SCUBE1: variants seen among roughly 807,000 people sequenced by gnomAD.
SCUBE1 encodes signal peptide, CUB and EGF-like domain-containing protein 1.
Under a neutral mutation model 124.4 loss-of-function variants are expected in SCUBE1, and 59 were observed. That is an observed-to-expected ratio of 0.47 (90% CI 0.38 to 0.59). The LOEUF (loss-of-function observed/expected upper bound fraction) is 0.59. Among genes scored for constraint, SCUBE1 ranks in the 20% least tolerant of loss-of-function variants. SCUBE1 has a pLI of 0.00. For synonymous variants in SCUBE1, 545 were observed against 550.9 expected (o/e 0.99, Z 0.15); for missense variants, 1,150 against 1,371.2 (o/e 0.84, Z 2.55).
intron 2 of SCUBE1, among the ~76,000 whole-genome samples, chr22:43,336,043 G>T (rs1160555275): frequency 2.0e-5 from 3 of 152,140 alleles, no homozygotes; most frequent in African/African-American, 7.2e-5. Context: ...TCATGGTGAA[G>T]ACTTTGCCAT....
rs150769460 is a variant in SCUBE1 at position 43,218,375 on chromosome 22, G to A, written c.1771C>T (p.Arg591Trp). 2,037 of 1,613,480 alleles carry A rather than the reference G, an allele frequency of 1.3e-3. 2 individuals carry two copies. The highest frequency in any genetic ancestry group is 1.5e-3 in the Non-Finnish European group (1,789 of 1,180,036). ...AIKTLRKSIG[R>W]QQFYVQVSGT... is the part of the protein sequence containing the mutation. ...GAGACCTGGACATAGAACTGCTGCC[G>A]GCCGATGGACTTGCGCAGGGTCTTG... Residue 591 changes from arginine (R) to tryptophan (W), a missense_variant, in exon 15 of 22, where the codon CGG (arginine) becomes TGG (tryptophan). Around this residue, in one of 3 missense-constraint regions of SCUBE1, gnomAD observed 757 missense variants for 840.9 expected, o/e 0.90. Transcript: ENST00000360835.
chr22:43,230,374 C>T (rs73886455), intron 8 of SCUBE1, among the ~76,000 whole-genome samples: 3,994 of 151,832 alleles, frequency 0.026, 183 homozygotes, highest in African/African-American at 0.092. Context: ...GGAGCATGGA[C>T]GCTTCCCTGC....
At chr22:43,229,308 C>T (rs1468328689) in intron 8 of SCUBE1, 120 bp from the exon 9 acceptor site, 7 of 735,020 alleles carry the variant, frequency 9.5e-6, no homozygotes, top group Admixed American at 1.9e-5. Context: ...TGGGCGCAGG[C>T]GCAGCACAGC....
rs756290447 is a variant in SCUBE1 at position 43,201,303 on chromosome 22, C to CAAAAAAAAAAAAAAAAAAAA, written c.*2674_*2693dup. On this transcript the variant is annotated 3_prime_UTR_variant, in exon 22 of 22. Transcript: ENST00000360835. ...TGGGTGACAGAGCGAGACTCCATCT[C>CAAAAAAAAAAAAAAAAAAAA]AAAAAAAAAAAAAAAAAAAAAAAAG... 3 of 43,984 alleles carry CAAAAAAAAAAAAAAAAAAAA rather than the reference C, an allele frequency of 6.8e-5. No individual in the cohort carries two copies. Among genetic ancestry groups the CAAAAAAAAAAAAAAAAAAAA allele is most frequent in the Non-Finnish European group, 8.3e-5 (2 of 24,190 alleles). The allele number at this position is 43,984 out of a possible 1,614,324, so 2.7% of individuals were successfully genotyped here.
In SCUBE1 at chr22:43,211,187, T is replaced by C. The variant is rs1921536768; in HGVS notation, c.2222-104A>G. ...CCTCTCATGCCCTCGAGGTCTGTTT[T>C]GGCACAGAGTTCAAGGCTCCTCCCC... is the stretch of plus-strand genomic sequence containing the variant. On this transcript the variant is annotated intron_variant, in intron 17 of 21. Coordinates refer to ENST00000360835, the MANE Select transcript of SCUBE1 (RefSeq NM_173050.5). The surrounding 1 kb of genome is among the most constrained non-coding windows in gnomAD (Gnocchi z 4.5). The C allele has an allele frequency of 8.1e-7, 1 of 1,229,884 alleles. No individual in the cohort carries two copies. Among genetic ancestry groups the C allele is most frequent in the Non-Finnish European group, 1.1e-6 (1 of 876,534 alleles). 76.2% of individuals were successfully genotyped at this position (1,229,884 alleles called of 1,614,324 possible).
At chr22:43,241,330 G>A (rs546481388) in intron 6 of SCUBE1, among the ~76,000 whole-genome samples, 390 of 152,150 alleles carry the variant, frequency 2.6e-3, no homozygotes, top group Non-Finnish European at 4.2e-3. Flanking sequence ...GCCCTGCTCC[G>A]CCTCCCACTC....
At chr22:43,290,320 C>G (rs1374609365) in intron 4 of SCUBE1, among the ~76,000 whole-genome samples, 1 of 152,196 alleles carries the variant, frequency 6.6e-6, no homozygotes, top group Non-Finnish European at 1.5e-5. Flanking sequence ...TGTGTCCTGG[C>G]TCTCTCCTCC....
intron 4 of SCUBE1, among the ~76,000 whole-genome samples, chr22:43,286,696 G>C (rs56769304): frequency 0.021 from 3,146 of 152,312 alleles, 123 homozygotes; most frequent in African/African-American, 0.074. Context: ...CTTAGCATGT[G>C]ATCCCCTGTC....
At position 43,211,088 on chromosome 22, in the gene SCUBE1, C is replaced by T. The variant is rs745784816; in HGVS notation, c.2222-5G>A. ...GGTGGCCGGGGGAGCAGTGCACTGCCGGGGGACACAAGGCAGTGTGGTGGG... is the reference window on the plus strand; with the variant it reads ...GGTGGCCGGGGGAGCAGTGCACTGCTGGGGGACACAAGGCAGTGTGGTGGG... On this transcript the variant is annotated splice_polypyrimidine_tract_variant and splice_region_variant and intron_variant, in intron 17 of 21. Transcript: ENST00000360835. This position sits in a 1 kb window ranked among gnomAD's most constrained non-coding sequence, Gnocchi z 4.5. 26 of 1,605,774 alleles carry T rather than the reference C, an allele frequency of 1.6e-5. No individual in the cohort carries two copies. The highest frequency in any genetic ancestry group is 6.7e-5 in the South Asian group (6 of 90,202).
chr22:43,250,364 G>A (rs1433646034), intron 6 of SCUBE1, among the ~76,000 whole-genome samples: 14 of 152,160 alleles, frequency 9.2e-5, no homozygotes, highest in Non-Finnish European at 1.5e-5. Flanking sequence ...TATGAAGATG[G>A]CTCTAATAGT....
In SCUBE1 at chr22:43,221,174, C is replaced by T. The variant is rs753974892; in HGVS notation, c.1548G>A (p.Leu516=). The change falls in exon 13 of 22, where the codon CTG becomes CTA. Residue 516 remains leucine (L), a splice_region_variant and synonymous_variant. Coordinates refer to ENST00000360835, the MANE Select transcript of SCUBE1 (RefSeq NM_173050.5). The stretch of plus-strand genomic sequence containing the variant: ...TTAGGAGCAGGGCGTCCCACTCACC[C>T]AGCAGCGGCTGCCTGGCGGTCTCCT... ...RAKETARQPL[L]DHCHVTFVTL... 2 of 1,607,956 alleles carry T rather than the reference C, an allele frequency of 1.2e-6. No homozygotes were observed. The highest frequency in any genetic ancestry group is 4.5e-5 in the East Asian group (2 of 44,870).
chr22:43,295,708 C>T (rs1276055469), intron 3 of SCUBE1, among the ~76,000 whole-genome samples: 2 of 152,228 alleles, frequency 1.3e-5, no homozygotes, highest in East Asian at 1.9e-4. Context: ...GCCTCCCCTC[C>T]TTGTCCAGAC....
chr22:43,253,852 T>C (rs73886531), intron 6 of SCUBE1, among the ~76,000 whole-genome samples: 1,593 of 147,646 alleles, frequency 0.011, 29 homozygotes, highest in African/African-American at 0.04. Flanking sequence ...AGCTCTGGCC[T>C]CAGACAGTAG....
chr22:43,321,100 T>TGGAACC (rs1341065778), intron 2 of SCUBE1, among the ~76,000 whole-genome samples: 1 of 152,142 alleles, frequency 6.6e-6, no homozygotes, highest in Non-Finnish European at 1.5e-5. Context: ...ACAGGGGAAC[T>TGGAACC]GGAACCGGAA....
chr22:43,284,169 G>A (rs569057237), intron 4 of SCUBE1, among the ~76,000 whole-genome samples: 116 of 152,338 alleles, frequency 7.6e-4, no homozygotes, highest in Admixed American at 1.4e-3. Context: ...AAAGAAAAGC[G>A]TTTGCTTTTA....
At chr22:43,329,214 C>T (rs950554) in intron 2 of SCUBE1, among the ~76,000 whole-genome samples, 62,571 of 151,906 alleles carry the variant, frequency 0.41, 15,021 homozygotes, top group African/African-American at 0.66. Context: ...CACAAACTCT[C>T]GTGCTCCTGC....
intron 3 of SCUBE1, among the ~76,000 whole-genome samples, chr22:43,319,638 C>G (rs779552469): frequency 6.6e-6 from 1 of 150,894 alleles, no homozygotes; most frequent in African/African-American, 2.5e-5. Context: ...GTGGGAAGAC[C>G]GTATGAAGAC....
At chr22:43,240,824 C>T (rs1019213448) in intron 6 of SCUBE1, among the ~76,000 whole-genome samples, 1 of 152,188 alleles carries the variant, frequency 6.6e-6, no homozygotes, top group South Asian at 2.1e-4. Context: ...AGCCAATGTG[C>T]TCCCCTCCTG....
chr22:43,205,446 G>C (rs1020573047), intron 21 of SCUBE1, among the ~76,000 whole-genome samples: 2 of 151,896 alleles, frequency 1.3e-5, no homozygotes, highest in Non-Finnish European at 2.9e-5. Flanking sequence ...GCCCAGGGAA[G>C]GTGTTCAGCA....
Sources: allele counts gnomAD v4.1 joint callset (sites outside exome capture counted in the v4.1 genomes callset), GRCh38; gene constraint gnomAD v4.1.1; regional missense constraint gnomAD v4.1.1; non-coding constraint Gnocchi (gnomAD v3.1); transcripts MANE v1.5; gene names NCBI Gene and HGNC (gene_info 2026-07-23, HGNC 2026-07-21).